POC5: variants seen among roughly 807,000 people sequenced by gnomAD.
The protein encoded by POC5 is POC5 centriolar protein, also known as centrosomal protein POC5.
In POC5, 48 loss-of-function variants were observed where a neutral mutation model predicts 62.9. The ratio of observed to expected loss-of-function variants is 0.76; its 90% CI spans 0.61 to 0.97. The LOEUF (loss-of-function observed/expected upper bound fraction) is 0.97, where lower values mean the gene tolerates loss of function less well. POC5 is among the 50% of genes least tolerant of loss of function. The pLI, the probability that POC5 is intolerant of heterozygous loss-of-function variation, is 0.00. For synonymous variants in POC5, 236 were observed against 228.2 expected (o/e 1.03, Z -0.31); for missense variants, 696 against 679.5 (o/e 1.02, Z -0.27).
In POC5 at chr5:75,689,115, A is replaced by G; in HGVS notation, c.1026T>C (p.His342=). 1.3e-6 allele frequency: 2 copies of G among 1,587,854 alleles called. No homozygotes were observed. Among genetic ancestry groups the G allele is most frequent in the East Asian group, 2.3e-5 (1 of 44,332 alleles). The part of the protein sequence containing the change: ...NAKAEIQRMQ[H]EKEHFEDSMK... ...TGGAATCTTCAAAGTGCTCTTTTTC[A>G]TGTTGCATTCTTTGAATCTCAGCTT... Residue 342 remains histidine, a synonymous_variant, in exon 9 of 12, where the codon CAT becomes CAC. Transcript: ENST00000428202.
At chr5:75,691,386 C>T (rs1776327621) in intron 7 of POC5, among the ~76,000 whole-genome samples, 4 of 152,156 alleles carry the variant, frequency 2.6e-5, no homozygotes, top group Admixed American at 2.6e-4. Flanking sequence ...AAATCTGAAA[C>T]TTTTTGAGTG....
intron 10 of POC5, 26 bp from the exon 11 acceptor site, chr5:75,677,976 G>C (rs1053127952): frequency 6.9e-7 from 1 of 1,453,908 alleles, no homozygotes; most frequent in South Asian, 1.5e-5. Flanking sequence ...AATAAAAGAA[G>C]TAACAAGGTG....
chr5:75,697,207 G>A (rs899553485), intron 5 of POC5, among the ~76,000 whole-genome samples: 82 of 152,120 alleles, frequency 5.4e-4, no homozygotes, highest in African/African-American at 1.9e-3. Flanking sequence ...TACAGAGAAC[G>A]CCACAAAGAT....
chr5:75,713,026 G>C (rs1777413480), intron 1 of POC5, 75 bp from the exon 2 acceptor site: 1 of 1,033,238 alleles, frequency 9.7e-7, no homozygotes, highest in Non-Finnish European at 1.4e-6. Flanking sequence ...ATATATAAGT[G>C]CAACAGTATC....
chr5:75,712,361 C>G, intron 2 of POC5: 4 of 1,568,586 alleles, frequency 2.6e-6, no homozygotes. Context: ...ACCACACCCT[C>G]TGTAGTTAAC....
intron 3 of POC5, 81 bp downstream of exon 3, chr5:75,707,656 G>A: frequency 8.7e-7 from 1 of 1,144,450 alleles, no homozygotes; most frequent in South Asian, 1.5e-5. Context: ...ATCTGGACAG[G>A]CATTTTCACA....
At chr5:75,713,210 G>C (rs1371622568) in intron 1 of POC5, among the ~76,000 whole-genome samples, 1 of 152,224 alleles carries the variant, frequency 6.6e-6, no homozygotes, top group African/African-American at 2.4e-5. Context: ...GAGCATAATA[G>C]ATTGTGATCA....
At chr5:75,708,718 GT>G (rs1205879768) in intron 2 of POC5, among the ~76,000 whole-genome samples, 2 of 152,032 alleles carry the variant, frequency 1.3e-5, no homozygotes, top group Non-Finnish European at 2.9e-5. Flanking sequence ...AAGTAAAATT[GT>G]TTTTTAAAAA....
chr5:75,676,066 G>T (rs1207059549), intron 11 of POC5, among the ~76,000 whole-genome samples: 2 of 152,208 alleles, frequency 1.3e-5, no homozygotes, highest in Non-Finnish European at 2.9e-5. Flanking sequence ...AGGGAGGGCA[G>T]CATGGGAGAT....
intron 5 of POC5, among the ~76,000 whole-genome samples, chr5:75,699,385 T>C (rs1414114007): frequency 1.3e-5 from 2 of 152,098 alleles, no homozygotes; most frequent in Non-Finnish European, 2.9e-5. Context: ...CAAGTGGGCT[T>C]CATCCCTGGG....
intron 6 of POC5, among the ~76,000 whole-genome samples, chr5:75,694,237 T>C (rs1162929839): frequency 6.6e-6 from 1 of 152,166 alleles, no homozygotes; most frequent in African/African-American, 2.4e-5. Context: ...CCTAAAAGGA[T>C]GGTTTAAAAT....
intron 10 of POC5, among the ~76,000 whole-genome samples, chr5:75,679,806 C>T (rs1204923549): frequency 6.6e-6 from 1 of 151,992 alleles, no homozygotes; most frequent in Non-Finnish European, 1.5e-5. Context: ...GCCAAGTCCT[C>T]TTATCTGTAA....
chr5:75,679,453 A>G (rs1306379878), intron 10 of POC5, among the ~76,000 whole-genome samples: 2 of 152,130 alleles, frequency 1.3e-5, no homozygotes, highest in South Asian at 2.1e-4. Context: ...CTGAAATGGG[A>G]AGAGAGTGGG....
Position 75,709,781 on chromosome 5 carries a change from G to T in POC5, c.85-1906C>A, listed in dbSNP as rs73766005. 7.9e-3 allele frequency among the ~76,000 whole-genome samples: 1,207 copies of T among 152,294 alleles called. 18 individuals carry two copies. The highest frequency in any genetic ancestry group is 0.026 in the African/African-American group (1,093 of 41,564). ...GATATTTACTAGTTCCTATAAACCT[G>T]AATGTGTGTGTTGGTCCTAATAAAC... On this transcript the variant is annotated intron_variant, in intron 2 of 11. Transcript: ENST00000428202.
chr5:75,692,413 C>A lies in POC5; in HGVS notation c.778G>T (p.Val260Phe). 2.5e-6 allele frequency: 4 copies of A among 1,593,192 alleles called. No homozygotes were observed. The highest frequency in any genetic ancestry group is 2.6e-6 in the Non-Finnish European group (3 of 1,169,242). ...ACACTTACATCCTGTCTGGCTCTGA[C>A]ATGGCCGATTCGCCAGTGGAAGAAT... ...RTFFHWRIGH[V>F]RARQDVYEGK... Residue 260 changes from valine to phenylalanine, a missense_variant, in exon 7 of 12, where the codon GTC becomes TTC. Val to Phe is a conservative substitution (Grantham distance 50). Coordinates refer to ENST00000428202, the MANE Select transcript of POC5 (RefSeq NM_001099271.2).
In POC5 at chr5:75,694,756, T is replaced by G; in HGVS notation, c.589A>C (p.Lys197Gln). Residue 197 changes from lysine (K) to glutamine (Q), a missense_variant, in exon 6 of 12, where the codon AAA (lysine) becomes CAA (glutamine). Lys to Gln is a moderately conservative substitution (Grantham distance 53, BLOSUM62 1). Transcript: ENST00000428202. Reference protein sequence around the residue: ...DWHRMEMRKEKEKHAAHLKQL... With the variant: ...DWHRMEMRKEQEKHAAHLKQL... Reference sequence around the variant, plus strand: ...TTTAAATGTGCTGCATGTTTTTCTTTCTCTTTTCTCATTTCCATTCGGTGC... The same window carrying G: ...TTTAAATGTGCTGCATGTTTTTCTTGCTCTTTTCTCATTTCCATTCGGTGC... 1 of 1,591,292 alleles carries G rather than the reference T, an allele frequency of 6.3e-7. No individual in the cohort carries two copies. Among genetic ancestry groups the G allele is most frequent in the Non-Finnish European group, 8.6e-7 (1 of 1,160,646 alleles).
chr5:75,680,600 AAAATTGTAT>A (rs1323012632), intron 10 of POC5, among the ~76,000 whole-genome samples: 3 of 152,138 alleles, frequency 2.0e-5, no homozygotes, highest in Admixed American at 1.3e-4. Flanking sequence ...TAATGTATTA[AAAATTGTAT>A]AAATTGATGA....
At chr5:75,712,585 G>A (rs1438722790) in intron 2 of POC5, 1 of 912,192 alleles carries the variant, frequency 1.1e-6, no homozygotes, top group African/African-American at 1.7e-5. Flanking sequence ...ACAAAAAAAT[G>A]TTTCTTGAAC....
chr5:75,706,857 A>G (rs1410041276), intron 3 of POC5, among the ~76,000 whole-genome samples: 2 of 152,182 alleles, frequency 1.3e-5, no homozygotes, highest in African/African-American at 4.8e-5. Context: ...CCTGTATTTT[A>G]AGGCTCTCAT....
Sources: allele counts gnomAD v4.1 joint callset (sites outside exome capture counted in the v4.1 genomes callset), GRCh38; gene constraint gnomAD v4.1.1; transcripts MANE v1.5; gene names NCBI Gene and HGNC (gene_info 2026-07-23, HGNC 2026-07-21).